Variants in GRHL1 observed in about 807,000 individuals in gnomAD.
GRHL1 encodes the protein grainyhead-like protein 1 homolog.
Under a neutral mutation model 75.7 loss-of-function variants are expected in GRHL1, and 38 were observed. The observed-to-expected ratio is 0.50, with a 90% confidence interval of 0.39 to 0.66. The LOEUF is 0.66. GRHL1 is among the 30% of genes least tolerant of loss of function. The pLI is 0.00. For synonymous variants in GRHL1, 266 were observed against 279.4 expected (o/e 0.95, Z 0.48); for missense variants, 589 against 767.5 (o/e 0.77, Z 2.75).
intron 2 of GRHL1, among the ~76,000 whole-genome samples, chr2:9,958,483 C>T (rs559422149): frequency 1.7e-4 from 24 of 143,892 alleles, no homozygotes; most frequent in Admixed American, 1.2e-3. Context: ...CTGTGGCCAG[C>T]GGAGGTATTT....
chr2:9,952,477 A>C (rs1467748659), intron 1 of GRHL1, among the ~76,000 whole-genome samples: 1 of 152,220 alleles, frequency 6.6e-6, no homozygotes, highest in African/African-American at 2.4e-5. Flanking sequence ...ATTACAGATT[A>C]CCGTGTTTTT....
intron 2 of GRHL1, among the ~76,000 whole-genome samples, chr2:9,956,878 C>T (rs1396378384): frequency 6.6e-6 from 1 of 152,158 alleles, no homozygotes; most frequent in Non-Finnish European, 1.5e-5. Flanking sequence ...ACTAGGTGTA[C>T]TACTCCTGCG....
At chr2:9,982,969 G>A (rs1358792852) in intron 8 of GRHL1, among the ~76,000 whole-genome samples, 2 of 152,066 alleles carry the variant, frequency 1.3e-5, no homozygotes, top group African/African-American at 4.8e-5. Context: ...GACAGGTAAG[G>A]ACCCTTGCAC....
intron 2 of GRHL1, among the ~76,000 whole-genome samples, chr2:9,955,897 A>T (rs1021114323): frequency 6.6e-6 from 1 of 152,220 alleles, no homozygotes; most frequent in African/African-American, 2.4e-5. Context: ...GGGGGTGGCT[A>T]CGTCTTTAGG....
intron 15 of GRHL1, 36 bp from the exon 16 acceptor site, chr2:10,000,557 C>A: frequency 8.4e-7 from 1 of 1,187,958 alleles, no homozygotes; most frequent in Non-Finnish European, 1.3e-6. Context: ...GACCAAGTGG[C>A]AGTGAAGTTG....
intron 9 of GRHL1, 62 bp downstream of exon 9, chr2:9,986,344 G>T (rs1668416827): frequency 8.2e-7 from 1 of 1,218,108 alleles, no homozygotes; most frequent in South Asian, 1.5e-5. Context: ...AAAGACCAGG[G>T]TCTCTTTAAT....
At chr2:9,997,143 T>C (rs2125247736) in intron 14 of GRHL1, among the ~76,000 whole-genome samples, 1 of 152,330 alleles carries the variant, frequency 6.6e-6, no homozygotes, top group East Asian at 1.9e-4. Flanking sequence ...GTTGAATTCA[T>C]TTAACACATC....
At chr2:9,997,716 G>A (rs1415481808) in intron 14 of GRHL1, among the ~76,000 whole-genome samples, 2 of 151,798 alleles carry the variant, frequency 1.3e-5, no homozygotes, top group African/African-American at 4.8e-5. Flanking sequence ...CCAGCTACTC[G>A]GGAGGCTGAG....
At chr2:9,956,772 CATTA>C (rs1327168695) in intron 2 of GRHL1, among the ~76,000 whole-genome samples, 1 of 152,066 alleles carries the variant, frequency 6.6e-6, no homozygotes, top group African/African-American at 2.4e-5. Flanking sequence ...GTTCCTAAAA[CATTA>C]ATTATGAAGT....
Position 9,993,207 on chromosome 2 carries a change from G to A in GRHL1, c.1462G>A (p.Val488Ile), listed in dbSNP as rs760707116. 31 of 1,607,878 alleles carry A rather than the reference G, an allele frequency of 1.9e-5. No homozygotes were observed. Among genetic ancestry groups the A allele is most frequent in the Non-Finnish European group, 2.6e-5 (31 of 1,174,350 alleles). ...AAGCAATCTATTCCTTTGGTCTTAG[G>A]TCCTTCCCATTGCCTCTGAAGAATT... is the stretch of plus-strand genomic sequence containing the variant. ...HFANLQRGTH[V>I]LPIASEELEG... The change falls in exon 12 of 16, where the codon GTC becomes ATC. Residue 488 changes from valine to isoleucine, a missense_variant and splice_region_variant. Transcript: ENST00000324907.
At chr2:9,979,155 A>AAAAAAAAAAAAAAAAAAAAAAAAG in intron 8 of GRHL1, among the ~76,000 whole-genome samples, 1 of 149,532 alleles carries the variant, frequency 6.7e-6, no homozygotes, top group Non-Finnish European at 1.5e-5. Context: ...CTCTCTCAAA[A>AAAAAAAAAAAAAAAAAAAAAAAAG]AAAAAAAAAA....
chr2:9,992,244 G>A lies in GRHL1; in HGVS notation c.1461+98G>A, dbSNP rs1668676437. ...CATGGGAAACAGAAGCCAAAATTGA[G>A]TGAGGTTTGACCAGTTAGTCAGCTC... On this transcript the variant is annotated intron_variant, in intron 11 of 15. Coordinates refer to ENST00000324907, the MANE Select transcript of GRHL1 (RefSeq NM_198182.3). This position sits in a 1 kb window ranked among gnomAD's most constrained non-coding sequence, Gnocchi z 4.6. The A allele has an allele frequency of 8.7e-6, 10 of 1,145,048 alleles. No homozygotes were observed. The South Asian group carries it at 1.3e-4, about 15-fold the overall frequency. The allele number at this position is 1,145,048 out of a possible 1,614,324, so 70.9% of individuals were successfully genotyped here.
In GRHL1 at chr2:9,951,925, C is replaced by T; in HGVS notation, c.20+72C>T. On this transcript the variant is annotated intron_variant, in intron 1 of 15. Transcript: ENST00000324907. This position sits in a 1 kb window ranked among gnomAD's most constrained non-coding sequence, Gnocchi z 4.2. Reference sequence around the variant, plus strand: ...GGGGCCGCACCTGCAGCGAGCGAGCCGGGCGCAGACCCGAGGCCGCGCGGG... The same window carrying T: ...GGGGCCGCACCTGCAGCGAGCGAGCTGGGCGCAGACCCGAGGCCGCGCGGG... The T allele has an allele frequency of 9.5e-7, 1 of 1,056,698 alleles. No individual in the cohort carries two copies. The highest frequency in any genetic ancestry group is 1.2e-6 in the Non-Finnish European group (1 of 847,036). The allele number at this position is 1,056,698 out of a possible 1,614,324, so 65.5% of individuals were successfully genotyped here. A position where few individuals can be genotyped will look rare whatever the true frequency, so the allele number is the denominator to read the frequency against.
chr2:9,958,650 C>G (rs1667141164), intron 2 of GRHL1, 136 bp from the exon 3 acceptor site: 1 of 634,306 alleles, frequency 1.6e-6, no homozygotes, highest in South Asian at 1.9e-5. Flanking sequence ...TTGTGTGTCC[C>G]CATAGCCTGG....
Position 9,973,532 on chromosome 2 carries a change from G to C in GRHL1, c.1110+8151G>C, listed in dbSNP as rs368294914. 1.2e-4 allele frequency among the ~76,000 whole-genome samples: 19 copies of C among 152,316 alleles called. No homozygotes were observed. In the East Asian group the frequency reaches 1.3e-3, roughly 11 times the overall value. On this transcript the variant is annotated intron_variant, in intron 8 of 15. Transcript: ENST00000324907. ...ACTATTTCCCACTCTACTGACTTCA[G>C]TTGAATTCTATAACTGTATATAAAT...
intron 8 of GRHL1, among the ~76,000 whole-genome samples, chr2:9,973,386 G>T (rs1667816288): frequency 6.6e-6 from 1 of 152,156 alleles, no homozygotes; most frequent in Non-Finnish European, 1.5e-5. Context: ...GAGAAGGAAG[G>T]TCATCAGTGT....
At position 9,961,226 on chromosome 2, in the gene GRHL1, T is replaced by C; in HGVS notation, c.459T>C (p.Pro153=). The C allele has an allele frequency of 6.2e-7, 1 of 1,614,076 alleles. No homozygotes were observed. The highest frequency in any genetic ancestry group is 1.1e-5 in the South Asian group (1 of 91,080). The change falls in exon 4 of 16, where the codon CCT becomes CCC. Residue 153 remains proline (P), a synonymous_variant. Transcript: ENST00000324907. The part of the protein sequence containing the change: ...TTVTVSIATM[P]THSIKTETQP... ...TCACTGTCTCCATAGCAACGATGCCTACCCACTCCATCAAGACAGAAACCC... is the reference window on the plus strand; with the variant it reads ...TCACTGTCTCCATAGCAACGATGCCCACCCACTCCATCAAGACAGAAACCC...
chr2:9,998,423 C>CGTGCGTGTGT (rs1553306759), intron 14 of GRHL1, among the ~76,000 whole-genome samples: 6 of 33,860 alleles, frequency 1.8e-4, no homozygotes, highest in African/African-American at 8.7e-4. Flanking sequence ...AGTGACTATG[C>CGTGCGTGTGT]ATGTGTGTGT....
In GRHL1 at chr2:10,001,165, G is replaced by A. The variant is rs990997830; in HGVS notation, c.*458G>A. On this transcript the variant is annotated 3_prime_UTR_variant, in exon 16 of 16. Coordinates refer to ENST00000324907, the MANE Select transcript of GRHL1 (RefSeq NM_198182.3). ...ATTCAGTACAACTCCACTGCCTCAC[G>A]TTAGCGGGAGCGCACCTGAAGAGTA... 3 of 153,046 alleles carry A rather than the reference G, an allele frequency of 2.0e-5. No homozygotes were observed. Among genetic ancestry groups the A allele is most frequent in the African/African-American group, 7.2e-5 (3 of 41,448 alleles). 9.5% of individuals were successfully genotyped at this position (153,046 alleles called of 1,614,324 possible). A position where few individuals can be genotyped will look rare whatever the true frequency, so the allele number is the denominator to read the frequency against.
Sources: gnomAD v4.1 joint callset for allele counts (sites outside exome capture counted in the v4.1 genomes callset) on GRCh38, gnomAD v4.1.1 for gene constraint, Gnocchi (gnomAD v3.1) non-coding constraint, MANE v1.5 for transcripts, NCBI Gene and HGNC (gene_info 2026-07-23, HGNC 2026-07-21) for gene names.